Variants in TRIM49C observed in about 807,000 individuals in gnomAD.
The protein encoded by TRIM49C is tripartite motif-containing protein 49C.
Under a neutral mutation model 21.4 loss-of-function variants are expected in TRIM49C, and 6 were observed. That is an observed-to-expected ratio of 0.28 (90% CI 0.15 to 0.55). The LOEUF (loss-of-function observed/expected upper bound fraction) is 0.55, where lower values mean the gene tolerates loss of function less well. Ranked by LOEUF, TRIM49C falls within the 20% of genes least tolerant of loss-of-function variation. The probability of loss-of-function intolerance (pLI) is 0.94; values close to 1 mark genes in which losing one functional copy is unlikely to be tolerated. For missense variants in TRIM49C, 161 were observed against 442.4 expected (o/e 0.36, Z 5.71); for synonymous variants, 57 against 148.1 (o/e 0.38, Z 4.47).
At chr11:90,035,054 T>G (rs898196792) in intron 2 of TRIM49C, among the ~76,000 whole-genome samples, 154 bp from the exon 3 acceptor site, 1 of 139,114 alleles carries the variant, frequency 7.2e-6, no homozygotes, top group African/African-American at 2.7e-5. Context: ...TCCCTCTAAG[T>G]GTAAATTTTT....
rs642766 is a variant in TRIM49C, at chr11:90,038,998, C to A, written c.761+283C>A. 3.8e-3 allele frequency among the ~76,000 whole-genome samples: 516 copies of A among 136,296 alleles called. 17 individuals carry two copies. The highest frequency in any genetic ancestry group is 0.013 in the African/African-American group (477 of 36,674). The allele number at this position is 136,296 out of a possible 152,430, so 89.4% of individuals were successfully genotyped here. ...GCAATGGCGCCATCTCGGCTCACTG[C>A]AAGCTCCGCCTCCCGGGTTCACACC... On this transcript the variant is annotated intron_variant, in intron 6 of 7. Coordinates refer to ENST00000448984, the MANE Select transcript of TRIM49C (RefSeq NM_001195234.1).
chr11:90,067,898 G>A, the TRIM49C span, among the ~76,000 whole-genome samples: 6 of 134,200 alleles, frequency 4.5e-5, 1 homozygote, highest in Non-Finnish European at 9.5e-5. Flanking sequence ...CAGAGAAGGA[G>A]GAGAAAGAGG....
the TRIM49C span, among the ~76,000 whole-genome samples, chr11:90,066,161 C>T: frequency 8.9e-5 from 12 of 135,198 alleles, 1 homozygote; most frequent in Admixed American, 5.2e-4. Flanking sequence ...GCTGGGATTA[C>T]AGGCACCTGC....
chr11:90,038,936 T>G (rs547937762), intron 6 of TRIM49C, among the ~76,000 whole-genome samples: 2 of 137,916 alleles, frequency 1.5e-5, no homozygotes, highest in African/African-American at 5.1e-5. Flanking sequence ...TTGTTTTTTT[T>G]TGAGACGCTG....
chr11:90,062,974 G>A, the TRIM49C span: 69 of 1,335,792 alleles, frequency 5.2e-5, 7 homozygotes, highest in South Asian at 2.4e-4. Context: ...CATTCTGGAA[G>A]ACTCGCAGGG....
At chr11:90,046,423 T>C (rs1034590008), downstream of TRIM49C, among the ~76,000 whole-genome samples, 8 of 126,816 alleles carry the variant, frequency 6.3e-5, 1 homozygote, top group Admixed American at 1.8e-4. Flanking sequence ...CTTTATTTGG[T>C]TTGTAGGCTC....
intron 4 of TRIM49C, among the ~76,000 whole-genome samples, chr11:90,036,738 A>C (rs1387716321): frequency 7.2e-6 from 1 of 138,612 alleles, no homozygotes; most frequent in Non-Finnish European, 1.6e-5. Flanking sequence ...TATACTAGTA[A>C]AGAAGAAAGG....
chr11:90,064,011 CAAT>C, the TRIM49C span, among the ~76,000 whole-genome samples: 9 of 129,202 alleles, frequency 7.0e-5, 1 homozygote, highest in South Asian at 2.5e-3. Flanking sequence ...CTATCTCTCT[CAAT>C]AATTCCATGA....
intron 4 of TRIM49C, 79 bp downstream of exon 4, chr11:90,036,062 C>G: frequency 1.3e-6 from 1 of 752,152 alleles, no homozygotes; most frequent in Non-Finnish European, 1.8e-6. Flanking sequence ...AACTTGATAT[C>G]AAACTGTAAT....
chr11:90,071,669 T>G, the TRIM49C span: 1 of 1,156,684 alleles, frequency 8.6e-7, no homozygotes, highest in African/African-American at 1.5e-5. Context: ...ATCAGAAACT[T>G]AACCAACTCA....
At chr11:90,072,009 G>A in the TRIM49C span, among the ~76,000 whole-genome samples, 3 of 141,302 alleles carry the variant, frequency 2.1e-5, no homozygotes, top group Non-Finnish European at 3.1e-5. Flanking sequence ...AGTAAAACAC[G>A]CAGAAGGGCT....
the TRIM49C span, chr11:90,062,473 G>T: frequency 9.4e-7 from 1 of 1,058,520 alleles, no homozygotes; most frequent in Non-Finnish European, 1.3e-6. Context: ...TGTTATGATT[G>T]ACATGGAATA....
Position 90,035,980 on chromosome 11 carries a change from G to A in TRIM49C, c.504G>A (p.Trp168Ter), listed in dbSNP as rs1259687025. ...LNVETTRTRC[W>*]KDYVNLRLEA... Reference sequence around the variant, plus strand: ...TGGAAACCACCAGAACCAGATGCTGGAAGGTTAGTCCTGTACTACTCTACC... The same window carrying A: ...TGGAAACCACCAGAACCAGATGCTGAAAGGTTAGTCCTGTACTACTCTACC... Residue 168 changes from tryptophan (W) to a stop codon, truncating the protein, a stop_gained, in exon 4 of 8, where the codon TGG (tryptophan) becomes TGA (stop). Coordinates refer to ENST00000448984, the MANE Select transcript of TRIM49C (RefSeq NM_001195234.1). LOFTEE classifies it high-confidence loss of function. The A allele has an allele frequency of 1.0e-5, 8 of 776,884 alleles. 1 individual carries two copies. In the Admixed American group the frequency reaches 1.5e-4, roughly 15 times the overall value. 48.1% of individuals were successfully genotyped at this position (776,884 alleles called of 1,614,324 possible).
the TRIM49C span, among the ~76,000 whole-genome samples, chr11:90,059,590 A>G: frequency 1.3e-5 from 1 of 76,560 alleles, no homozygotes; most frequent in African/African-American, 6.1e-5. Context: ...GGGTATGCAG[A>G]AATCCTGGAA....
At position 90,035,412 on chromosome 11, in the gene TRIM49C, C is replaced by T. The variant is rs374529605; in HGVS notation, c.201C>T (p.Asn67=). Residue 67 remains asparagine (N), a synonymous_variant, in exon 3 of 8, where the codon AAC becomes AAT. Transcript: ENST00000448984. ...CAGAGCAGATAAACCTCAAAACCAACATTCATTTGAAGAAGATGGCTTCTC... is the reference window on the plus strand; with the variant it reads ...CAGAGCAGATAAACCTCAAAACCAATATTCATTTGAAGAAGATGGCTTCTC... ...KSTEQINLKT[N]IHLKKMASLA... 43 of 1,494,064 alleles carry T rather than the reference C, an allele frequency of 2.9e-5. 3 individuals carry two copies. Among genetic ancestry groups the T allele is most frequent in the East Asian group, 2.4e-4 (10 of 41,064 alleles). 92.6% of individuals were successfully genotyped at this position (1,494,064 alleles called of 1,614,324 possible).
chr11:90,042,207 C>G (rs1165761244), downstream of TRIM49C, among the ~76,000 whole-genome samples: 1 of 146,032 alleles, frequency 6.8e-6, no homozygotes. Context: ...CATACACAGT[C>G]ATTTCCAGAT....
At chr11:90,054,743 A>C in the TRIM49C span, among the ~76,000 whole-genome samples, 5 of 137,446 alleles carry the variant, frequency 3.6e-5, no homozygotes. Flanking sequence ...TGAATTAAGT[A>C]TCTCTAGGAG....
chr11:90,065,904 C>G, the TRIM49C span, among the ~76,000 whole-genome samples: 3 of 133,466 alleles, frequency 2.2e-5, no homozygotes, highest in African/African-American at 8.0e-5. Flanking sequence ...TACACTGAGC[C>G]GAGATAGCAC....
At chr11:90,043,829 C>A (rs1486597123), downstream of TRIM49C, among the ~76,000 whole-genome samples, 2 of 118,534 alleles carry the variant, frequency 1.7e-5, 1 homozygote, top group African/African-American at 6.8e-5. Flanking sequence ...GCACAAAGTG[C>A]AGGTTTGTTA....
Sources: allele counts gnomAD v4.1 joint callset (sites outside exome capture counted in the v4.1 genomes callset), GRCh38; gene constraint gnomAD v4.1.1; transcripts MANE v1.5; gene names NCBI Gene and HGNC (gene_info 2026-07-23, HGNC 2026-07-21).